The following RANBP2 variants were observed in gnomAD, a reference collection of about 807,000 sequenced individuals.
RANBP2 encodes E3 SUMO-protein ligase RanBP2.
RANBP2 carries 57 observed loss-of-function variants against 303.6 expected under a neutral mutation model. The observed-to-expected ratio is 0.19, with a 90% CI of 0.15 to 0.23. The LOEUF (loss-of-function observed/expected upper bound fraction) is 0.23. Ranked by LOEUF, RANBP2 falls within the 10% of genes least tolerant of loss-of-function variation. The pLI, the probability that RANBP2 is intolerant of heterozygous loss-of-function variation, is 1.00. For missense variants in RANBP2, 3,138 were observed against 3,780.8 expected (o/e 0.83, Z 4.46); for synonymous variants, 1,167 against 1,301.5 (o/e 0.90, Z 2.23).
chr2:109,192,121 G>A, the RANBP2 span, among the ~76,000 whole-genome samples: 1 of 152,174 alleles, frequency 6.6e-6, no homozygotes, highest in South Asian at 2.1e-4. Flanking sequence ...TGGACTCAGA[G>A]TTCTTCACGG....
chr2:109,614,236 T>G, the RANBP2 span: 1 of 799,784 alleles, frequency 1.3e-6, no homozygotes, highest in Non-Finnish European at 1.6e-6. Flanking sequence ...CCGCCCTAGG[T>G]AGGTGTGGCC....
At chr2:109,675,260 A>C in the RANBP2 span, among the ~76,000 whole-genome samples, 1 of 152,224 alleles carries the variant, frequency 6.6e-6, no homozygotes, top group Non-Finnish European at 1.5e-5. Flanking sequence ...TTATACTCGA[A>C]GGACAGCTTG....
intron 22 of RANBP2, 117 bp from the exon 23 acceptor site, chr2:108,772,751 C>A: frequency 8.0e-7 from 1 of 1,249,406 alleles, no homozygotes; most frequent in Non-Finnish European, 1.1e-6. Flanking sequence ...CCTTGTTTTT[C>A]ATTAGTATGT....
chr2:109,677,529 A>G, the RANBP2 span, among the ~76,000 whole-genome samples: 14,130 of 152,182 alleles, frequency 0.093, 779 homozygotes, highest in East Asian at 0.24. Flanking sequence ...CAGAATGTTT[A>G]CTGAAGCTGT....
intron 25 of RANBP2, 108 bp from the exon 26 acceptor site, chr2:108,781,161 G>C: frequency 9.1e-7 from 1 of 1,103,670 alleles, no homozygotes; most frequent in Non-Finnish European, 1.3e-6. Context: ...ATTTAAAATT[G>C]ATGTACATAT....
the RANBP2 span, among the ~76,000 whole-genome samples, chr2:109,317,221 C>A: frequency 6.6e-6 from 1 of 152,070 alleles, no homozygotes; most frequent in East Asian, 1.9e-4. Context: ...AGCTTACCTC[C>A]CACCCGGATG....
At chr2:108,955,218 T>C in the RANBP2 span, among the ~76,000 whole-genome samples, 24 of 152,286 alleles carry the variant, frequency 1.6e-4, no homozygotes, top group East Asian at 4.0e-3. Context: ...AAAATTATGA[T>C]ATTAATAGAA....
the RANBP2 span, chr2:108,794,841 A>G: frequency 1.3e-6 from 1 of 772,408 alleles, no homozygotes; most frequent in Non-Finnish European, 2.0e-6. Flanking sequence ...TGTCAAGAGA[A>G]GGACGGAAGG....
At chr2:108,966,554 A>T in the RANBP2 span, among the ~76,000 whole-genome samples, 1 of 152,238 alleles carries the variant, frequency 6.6e-6, no homozygotes, top group African/African-American at 2.4e-5. Flanking sequence ...TATGAGGAAG[A>T]GGTCATCTTC....
At chr2:109,621,439 A>G in the RANBP2 span, among the ~76,000 whole-genome samples, 1 of 150,890 alleles carries the variant, frequency 6.6e-6, no homozygotes, top group Non-Finnish European at 1.5e-5. Context: ...TGTGTGAGCC[A>G]CTTTTTTTTT....
the RANBP2 span, among the ~76,000 whole-genome samples, chr2:109,498,762 C>A: frequency 1.3e-5 from 2 of 152,182 alleles, no homozygotes; most frequent in Admixed American, 6.5e-5. Flanking sequence ...ATGGGGCTTG[C>A]AGACTGGTGC....
chr2:109,629,416 C>T, the RANBP2 span, among the ~76,000 whole-genome samples: 1 of 137,386 alleles, frequency 7.3e-6, no homozygotes, highest in Non-Finnish European at 1.5e-5. Flanking sequence ...AATTGTAAAT[C>T]TTCACCTTAA....
chr2:109,370,632 G>A, the RANBP2 span, among the ~76,000 whole-genome samples: 4 of 151,992 alleles, frequency 2.6e-5, no homozygotes, highest in South Asian at 2.1e-4. Flanking sequence ...TCTCTCCTCC[G>A]TCCTTTTCCT....
At chr2:109,153,945 A>C in the RANBP2 span, among the ~76,000 whole-genome samples, 1 of 152,214 alleles carries the variant, frequency 6.6e-6, no homozygotes. Flanking sequence ...AAAATTATTA[A>C]GAATTTCATT....
the RANBP2 span, among the ~76,000 whole-genome samples, chr2:109,134,747 G>A: frequency 1.3e-5 from 2 of 152,294 alleles, no homozygotes; most frequent in Non-Finnish European, 2.9e-5. Context: ...CTCGTTGGTA[G>A]CACGATTCTA....
the RANBP2 span, chr2:108,791,641 TC>T: frequency 6.3e-7 from 1 of 1,594,276 alleles, no homozygotes; most frequent in Non-Finnish European, 8.6e-7. Flanking sequence ...ATAGTAAACT[TC>T]TAGATTGCTG....
the RANBP2 span, among the ~76,000 whole-genome samples, chr2:108,887,156 A>G: frequency 6.6e-6 from 1 of 151,882 alleles, no homozygotes; most frequent in Non-Finnish European, 1.5e-5. Flanking sequence ...CACAGTGTTT[A>G]GTTCTTTTTG....
At chr2:109,005,508 C>A in the RANBP2 span, among the ~76,000 whole-genome samples, 3,907 of 152,280 alleles carry the variant, frequency 0.026, 80 homozygotes, top group Non-Finnish European at 0.033. Flanking sequence ...TCCACCCTGT[C>A]TGCAGAAGCA....
At chr2:109,115,865 T>G in the RANBP2 span, among the ~76,000 whole-genome samples, 6 of 152,164 alleles carry the variant, frequency 3.9e-5, no homozygotes, top group African/African-American at 1.2e-4. Flanking sequence ...GTCTGTAAAG[T>G]ATTTTATTTA....
Sources: allele counts gnomAD v4.1 joint callset (sites outside exome capture counted in the v4.1 genomes callset), GRCh38; gene constraint gnomAD v4.1.1; transcripts MANE v1.5; gene names NCBI Gene and HGNC (gene_info 2026-07-23, HGNC 2026-07-21).